COL23A1: variants seen among roughly 807,000 people sequenced by gnomAD.
The protein encoded by COL23A1 is collagen type XXIII alpha 1 chain, also known as collagen alpha-1(XXIII) chain.
COL23A1 carries 97 observed loss-of-function variants against 99.3 expected under a neutral mutation model. That is an observed-to-expected ratio of 0.98 (90% confidence interval 0.83 to 1.16). The LOEUF (loss-of-function observed/expected upper bound fraction) is 1.16. Ranked by LOEUF, COL23A1 falls within the 50% of genes most tolerant of loss-of-function variation. COL23A1 has a pLI of 0.00. For synonymous variants in COL23A1, 320 were observed against 308.2 expected (o/e 1.04, Z -0.40); for missense variants, 762 against 757.4 (o/e 1.01, Z -0.07).
At chr5:178,562,441 C>T (rs1163950405) in intron 1 of COL23A1, among the ~76,000 whole-genome samples, 2 of 150,802 alleles carry the variant, frequency 1.3e-5, no homozygotes, top group African/African-American at 4.9e-5. Context: ...GTAGTCCCAG[C>T]TTACCCCAGA....
chr5:178,259,625 G>T lies in COL23A1; in HGVS notation c.729+96C>A, dbSNP rs574731855. 44 of 657,832 alleles carry T rather than the reference G, an allele frequency of 6.7e-5. No homozygotes were observed. In the Middle Eastern group the frequency reaches 1.3e-3, roughly 19 times the overall value. 40.7% of individuals were successfully genotyped at this position (657,832 alleles called of 1,614,324 possible). On this transcript the variant is annotated intron_variant, in intron 12 of 28. Transcript: ENST00000390654. ...TGTGGGTTGGCTCCCAGCCCATCCC[G>T]TCCCCATCCCCATCCCCATTCCGTC...
chr5:178,349,200 T>C (rs1028020041), intron 2 of COL23A1, among the ~76,000 whole-genome samples: 3 of 152,280 alleles, frequency 2.0e-5, no homozygotes, highest in Middle Eastern at 3.4e-3. Flanking sequence ...TTGGATTTTT[T>C]TCCCCCCAAG....
intron 2 of COL23A1, among the ~76,000 whole-genome samples, chr5:178,521,446 G>C (rs1454880302): frequency 6.6e-6 from 1 of 151,928 alleles, no homozygotes; most frequent in African/African-American, 2.4e-5. Flanking sequence ...CCAGCTACTC[G>C]GGAGGCCGAG....
chr5:178,245,824 G>T, intron 25 of COL23A1, 118 bp downstream of exon 25: 1 of 1,176,664 alleles, frequency 8.5e-7, no homozygotes, highest in Non-Finnish European at 1.3e-6. Context: ...CCAGTCAGTT[G>T]CAGTCCCAGC....
At chr5:178,483,730 T>C (rs1315879387) in intron 2 of COL23A1, among the ~76,000 whole-genome samples, 2 of 152,254 alleles carry the variant, frequency 1.3e-5, no homozygotes, top group African/African-American at 2.4e-5. Context: ...CTCCCTCCAG[T>C]ATTAGGTTAC....
chr5:178,248,991 G>T, intron 19 of COL23A1, 126 bp downstream of exon 19: 1 of 880,726 alleles, frequency 1.1e-6, no homozygotes, highest in Non-Finnish European at 1.9e-6. Context: ...TCCCCGGCCG[G>T]CTGGGCACTG....
At chr5:178,270,433 G>C in intron 5 of COL23A1, 70 bp from the exon 6 acceptor site, 1 of 1,571,954 alleles carries the variant, frequency 6.4e-7, no homozygotes, top group Non-Finnish European at 8.7e-7. Context: ...TTATGACCCA[G>C]GTGCACTATT....
chr5:178,272,414 G>A (rs2127566302), intron 5 of COL23A1, among the ~76,000 whole-genome samples: 1 of 152,332 alleles, frequency 6.6e-6, no homozygotes, highest in South Asian at 2.1e-4. Context: ...AAACCAGGCA[G>A]TTCTAAAAAT....
chr5:178,296,753 G>A (rs373160555), intron 3 of COL23A1, among the ~76,000 whole-genome samples: 10 of 152,032 alleles, frequency 6.6e-5, no homozygotes, highest in East Asian at 3.9e-4. Flanking sequence ...GAATGGCAGC[G>A]TTCCGGAGAC....
chr5:178,271,983 G>C (rs1279069741), intron 5 of COL23A1, among the ~76,000 whole-genome samples: 3 of 152,200 alleles, frequency 2.0e-5, no homozygotes, highest in Admixed American at 6.5e-5. Flanking sequence ...GCCTCTCTGG[G>C]CTTCCGCTGG....
chr5:178,399,002 C>T (rs10035524), intron 2 of COL23A1, among the ~76,000 whole-genome samples: 6,137 of 152,322 alleles, frequency 0.04, 378 homozygotes, highest in African/African-American at 0.14. Flanking sequence ...TCAGCTCCAG[C>T]GTACAGCAGT....
intron 2 of COL23A1, among the ~76,000 whole-genome samples, chr5:178,479,566 A>G (rs994410708): frequency 6.6e-6 from 1 of 152,214 alleles, no homozygotes; most frequent in Non-Finnish European, 1.5e-5. Context: ...GTTCCCAGGA[A>G]GTGGCCAGAG....
intron 2 of COL23A1, among the ~76,000 whole-genome samples, chr5:178,433,773 T>C (rs1161217342): frequency 6.6e-6 from 1 of 152,244 alleles, no homozygotes; most frequent in Non-Finnish European, 1.5e-5. Flanking sequence ...GGCTGAATTG[T>C]GCCCCCTTAA....
At chr5:178,581,691 A>G (rs1370987159) in intron 1 of COL23A1, among the ~76,000 whole-genome samples, 1 of 152,198 alleles carries the variant, frequency 6.6e-6, no homozygotes, top group African/African-American at 2.4e-5. Flanking sequence ...TGACTGTACC[A>G]TTATCTGCAC....
intron 2 of COL23A1, among the ~76,000 whole-genome samples, chr5:178,402,976 T>C (rs936893016): frequency 6.6e-6 from 1 of 151,550 alleles, no homozygotes; most frequent in Non-Finnish European, 1.5e-5. Context: ...GGCGTGGCAG[T>C]GTGCACCCAC....
chr5:178,302,205 T>G (rs1462970360), intron 3 of COL23A1, among the ~76,000 whole-genome samples: 1 of 60,684 alleles, frequency 1.6e-5, no homozygotes, highest in East Asian at 2.9e-4. Context: ...GAGCACAGCT[T>G]CAATCCACCT....
At chr5:178,448,544 C>T (rs545146041) in intron 2 of COL23A1, among the ~76,000 whole-genome samples, 81 of 152,286 alleles carry the variant, frequency 5.3e-4, no homozygotes, top group African/African-American at 1.2e-3. Context: ...ATTCCAAGAT[C>T]GAGGACCTAG....
intron 2 of COL23A1, among the ~76,000 whole-genome samples, chr5:178,373,225 C>A (rs577898354): frequency 1.3e-5 from 2 of 152,280 alleles, no homozygotes; most frequent in South Asian, 2.1e-4. Context: ...GGGTTTGGTG[C>A]CTCTCCTGGC....
intron 2 of COL23A1, among the ~76,000 whole-genome samples, chr5:178,401,969 C>T (rs1178845579): frequency 6.6e-6 from 1 of 152,162 alleles, no homozygotes; most frequent in Admixed American, 6.5e-5. Flanking sequence ...GCGCCTGCCA[C>T]CACGCTCGGC....
Sources: gnomAD v4.1 joint callset for allele counts (sites outside exome capture counted in the v4.1 genomes callset) on GRCh38, gnomAD v4.1.1 for gene constraint, MANE v1.5 for transcripts, NCBI Gene and HGNC (gene_info 2026-07-23, HGNC 2026-07-21) for gene names.